The following GRM1 variants were observed in gnomAD, a reference collection of about 807,000 sequenced individuals.
GRM1 encodes the protein metabotropic glutamate receptor 1.
Under a neutral mutation model 90.9 loss-of-function variants are expected in GRM1, and 33 were observed. The ratio of observed to expected loss-of-function variants is 0.36; its 90% CI spans 0.28 to 0.49. The LOEUF is 0.49. Among genes scored for constraint, GRM1 ranks in the 20% least tolerant of loss-of-function variants. The pLI is 0.99. For synonymous variants in GRM1, 700 were observed against 613.2 expected, an observed-to-expected ratio of 1.14 and a Z score of -2.09; for missense variants, 1,190 against 1,534.3, an observed-to-expected ratio of 0.78 and a Z score of 3.75.
chr6:146,209,392 T>C (rs1056229703), intron 2 of GRM1, among the ~76,000 whole-genome samples: 1 of 152,080 alleles, frequency 6.6e-6, no homozygotes, highest in Non-Finnish European at 1.5e-5. Context: ...TAGGTGAAGG[T>C]TGGTAAAATT....
chr6:146,240,843 T>G (rs780823287), intron 2 of GRM1, among the ~76,000 whole-genome samples: 42 of 152,144 alleles, frequency 2.8e-4, no homozygotes, highest in Non-Finnish European at 4.9e-4. Context: ...ACAGTCTTCC[T>G]TGCCAGGAAT....
intron 2 of GRM1, among the ~76,000 whole-genome samples, chr6:146,278,956 CG>C (rs1198798063): frequency 6.6e-6 from 1 of 152,144 alleles, no homozygotes; most frequent in East Asian, 1.9e-4. Context: ...CCGCCCGCCT[CG>C]GCCTCCTAAA....
chr6:146,174,141 A>G (rs886297104), intron 2 of GRM1, among the ~76,000 whole-genome samples: 1 of 152,128 alleles, frequency 6.6e-6, no homozygotes, highest in Non-Finnish European at 1.5e-5. Flanking sequence ...GAAAAAAATC[A>G]TGTCCTGAAA....
In GRM1 at chr6:146,406,616, G is replaced by A. The variant is rs549412415; in HGVS notation, c.2660+6917G>A. On this transcript the variant is annotated intron_variant, in intron 7 of 7. Transcript: ENST00000282753. The stretch of plus-strand genomic sequence containing the variant: ...GGCTGAGGTGGGTGAATCACCTGAG[G>A]TCAGGAGTTCAAGACCAGCCTGGAC... Among the ~76,000 whole-genome samples, 5 of 152,198 alleles carry A rather than the reference G, an allele frequency of 3.3e-5. No homozygotes were observed. The South Asian group carries it at 1.0e-3, about 32-fold the overall frequency.
intron 1 of GRM1, among the ~76,000 whole-genome samples, chr6:146,139,275 A>G (rs1012700202): frequency 2.0e-5 from 3 of 152,220 alleles, no homozygotes; most frequent in Non-Finnish European, 2.9e-5. Context: ...GCTGAGAAGA[A>G]TATGTATTCT....
intron 3 of GRM1, among the ~76,000 whole-genome samples, chr6:146,325,050 G>A (rs536562767): frequency 3.9e-5 from 6 of 152,094 alleles, no homozygotes; most frequent in Admixed American, 6.5e-5. Context: ...GAAATATTCC[G>A]AGCTCCAAGA....
intron 2 of GRM1, among the ~76,000 whole-genome samples, chr6:146,205,270 C>T (rs1779456618): frequency 6.6e-6 from 1 of 152,140 alleles, no homozygotes. Flanking sequence ...TTGTGAACTA[C>T]TGTTTAATAT....
intron 2 of GRM1, among the ~76,000 whole-genome samples, chr6:146,176,587 G>A (rs1292926556): frequency 6.6e-6 from 1 of 151,990 alleles, no homozygotes; most frequent in African/African-American, 2.4e-5. Context: ...ACTTGGCTCT[G>A]TCTCCTGTAG....
At chr6:146,430,865 G>A (rs191918035) in intron 7 of GRM1, among the ~76,000 whole-genome samples, 17 of 152,284 alleles carry the variant, frequency 1.1e-4, no homozygotes, top group Admixed American at 1.0e-3. Context: ...AGTTACACAT[G>A]TATTGAATAA....
chr6:146,205,819 G>T (rs781439597), intron 2 of GRM1, among the ~76,000 whole-genome samples: 51 of 152,126 alleles, frequency 3.4e-4, no homozygotes, highest in Non-Finnish European at 8.8e-5. Context: ...GCCTTACCCT[G>T]CCCCTGTCCT....
chr6:146,428,834 T>C (rs540433794), intron 7 of GRM1, among the ~76,000 whole-genome samples: 1 of 152,332 alleles, frequency 6.6e-6, no homozygotes, highest in Admixed American at 6.5e-5. Flanking sequence ...TTAGTATCCA[T>C]CAGAATTCTA....
intron 1 of GRM1, among the ~76,000 whole-genome samples, chr6:146,054,037 TA>T (rs1202999533): frequency 6.6e-6 from 1 of 151,998 alleles, no homozygotes; most frequent in Non-Finnish European, 1.5e-5. Flanking sequence ...CTATGAGAGA[TA>T]AAAAATGAAT....
chr6:146,168,449 C>A (rs1032570664), intron 2 of GRM1, among the ~76,000 whole-genome samples: 1 of 151,854 alleles, frequency 6.6e-6, no homozygotes, highest in African/African-American at 2.4e-5. Flanking sequence ...ACTCAAAATA[C>A]ATTGTTATTT....
rs140047665 is a variant in GRM1 at position 146,063,008 on chromosome 6, G to A, written c.700+32791G>A. On this transcript the variant is annotated intron_variant, in intron 1 of 7. Coordinates refer to ENST00000282753, the MANE Select transcript of GRM1 (RefSeq NM_001278064.2). ...GCAGGCTATTTTTTCTTTTTCCTTC[G>A]CATTCATCTTTGAGTGAGGCTAAGT... Among the ~76,000 whole-genome samples, 41 of 150,776 alleles carry A rather than the reference G, an allele frequency of 2.7e-4. No homozygotes were observed. The East Asian group carries it at 5.8e-3, about 21-fold the overall frequency.
chr6:146,165,911 C>G (rs1458555307), intron 2 of GRM1, among the ~76,000 whole-genome samples: 1 of 151,954 alleles, frequency 6.6e-6, no homozygotes, highest in Non-Finnish European at 1.5e-5. Flanking sequence ...ATTCTAACAC[C>G]TATAGTCTCA....
At chr6:146,140,367 C>T (rs553621523) in intron 1 of GRM1, among the ~76,000 whole-genome samples, 1 of 152,124 alleles carries the variant, frequency 6.6e-6, no homozygotes, top group South Asian at 2.1e-4. Flanking sequence ...CACCTGGGCT[C>T]AAGTGATTCT....
intron 3 of GRM1, among the ~76,000 whole-genome samples, chr6:146,324,632 A>G (rs1260115685): frequency 1.3e-5 from 2 of 151,994 alleles, no homozygotes; most frequent in African/African-American, 4.8e-5. Flanking sequence ...GGAGTGCACC[A>G]TCCCTCAGGG....
intron 2 of GRM1, among the ~76,000 whole-genome samples, chr6:146,207,021 T>G (rs1417703988): frequency 6.6e-6 from 1 of 152,204 alleles, no homozygotes; most frequent in African/African-American, 2.4e-5. Flanking sequence ...CCATGGAGTA[T>G]AGGTACCACA....
rs561741113 is a variant in GRM1 at position 146,346,137 on chromosome 6, A to G, written c.1187-6113A>G. On this transcript the variant is annotated intron_variant, in intron 3 of 7. Coordinates refer to ENST00000282753, the MANE Select transcript of GRM1 (RefSeq NM_001278064.2). ...CAGATACACCATAATTTTTTGAAATATGAATCAGCTAAATGCAATTGTATT... is the reference window on the plus strand; with the variant it reads ...CAGATACACCATAATTTTTTGAAATGTGAATCAGCTAAATGCAATTGTATT... Among the ~76,000 whole-genome samples the G allele has an allele frequency of 6.9e-4, 105 of 152,336 alleles. 2 individuals are homozygous for G. The South Asian group carries it at 0.022, about 31-fold the overall frequency.
Sources: gnomAD v4.1 joint callset for allele counts (sites outside exome capture counted in the v4.1 genomes callset) on GRCh38, gnomAD v4.1.1 for gene constraint, MANE v1.5 for transcripts, NCBI Gene and HGNC (gene_info 2026-07-23, HGNC 2026-07-21) for gene names.